TTC6: variants seen among roughly 807,000 people sequenced by gnomAD.
TTC6 encodes tetratricopeptide repeat domain 6, also known as tetratricopeptide repeat protein 6.
A neutral mutation model predicts 210.4 loss-of-function variants in TTC6; 172 were observed. That is an observed-to-expected ratio of 0.82 (90% CI 0.72 to 0.93). TTC6 has a LOEUF of 0.93. Among genes scored for constraint, TTC6 ranks in the 40% least tolerant of loss-of-function variants. TTC6 has a pLI of 0.00. For synonymous variants in TTC6, 804 were observed against 819.6 expected, an observed-to-expected ratio of 0.98 and a Z score of 0.32; for missense variants, 2,414 against 2,318.1, an observed-to-expected ratio of 1.04 and a Z score of -0.85.
rs537471032 is a variant in TTC6, at chr14:37,740,780, T to A, written c.2363+1625T>A. 1.7e-4 allele frequency among the ~76,000 whole-genome samples: 26 copies of A among 152,318 alleles called. No homozygotes were observed. The South Asian group carries it at 5.4e-3, about 32-fold the overall frequency. On this transcript the variant is annotated intron_variant, in intron 10 of 30. Transcript: ENST00000553443. Reference sequence around the variant, plus strand: ...TTTCTAAGTTGATAAATGTTTTAGATCAGAACCAGAAGTTTGCTTATACAT... The same window carrying A: ...TTTCTAAGTTGATAAATGTTTTAGAACAGAACCAGAAGTTTGCTTATACAT...
intron 14 of TTC6, among the ~76,000 whole-genome samples, chr14:37,783,880 T>C (rs903967614): frequency 6.6e-6 from 1 of 152,164 alleles, no homozygotes; most frequent in Non-Finnish European, 1.5e-5. Flanking sequence ...GCCTTCATTT[T>C]GTTATTTACC....
chr14:37,808,582 G>T (rs1230284492), intron 23 of TTC6, 151 bp from the exon 26 acceptor site: 1 of 440,606 alleles, frequency 2.3e-6, no homozygotes, highest in Non-Finnish European at 4.1e-6. Context: ...CTCTGTGAAA[G>T]ATTAGCTTCA....
Position 37,808,663 on chromosome 14 carries a change from ATTTAT to A in TTC6, c.4456-64_4456-60del, listed in dbSNP as rs201755273. On this transcript the variant is annotated intron_variant, in intron 23 of 30. Coordinates refer to ENST00000553443, the Ensembl canonical transcript of TTC6. ...TTCAAAAACTCTGATAGAAACAAGA[ATTTAT>A]TTTATGATTAAATTTCAGTCCATTA... is the stretch of plus-strand genomic sequence containing the variant. The A allele has an allele frequency of 3.1e-3, 2,487 of 805,706 alleles. 37 individuals carry two copies. In the African/African-American group the frequency reaches 0.037, roughly 12 times the overall value. 49.9% of individuals were successfully genotyped at this position (805,706 alleles called of 1,614,324 possible). A position where few individuals can be genotyped will look rare whatever the true frequency, so the allele number is the denominator to read the frequency against.
At chr14:37,755,768 G>C (rs563125188) in intron 14 of TTC6, among the ~76,000 whole-genome samples, 1 of 152,274 alleles carries the variant, frequency 6.6e-6, no homozygotes, top group African/African-American at 2.4e-5. Context: ...TTGTAGTATA[G>C]TGTGAAGTCA....
chr14:37,821,372 C>CT (rs2096156744), intron 26 of TTC6, among the ~76,000 whole-genome samples: 1 of 152,042 alleles, frequency 6.6e-6, no homozygotes, highest in African/African-American at 2.4e-5. Context: ...CCCGGCCTGA[C>CT]TTTTACTTCT....
chr14:37,639,118 ATTC>A (rs1204285634), intron 1 of TTC6, among the ~76,000 whole-genome samples: 1 of 152,222 alleles, frequency 6.6e-6, no homozygotes. Flanking sequence ...CTTATTATGT[ATTC>A]TTTTAAGGAG....
At chr14:37,597,959 T>A (rs1210755010) in intron 1 of TTC6, among the ~76,000 whole-genome samples, 1 of 152,194 alleles carries the variant, frequency 6.6e-6, no homozygotes, top group Non-Finnish European at 1.5e-5. Flanking sequence ...GGTTCTAGTG[T>A]ACCCAGATGC....
chr14:37,790,338 C>T (rs373182880), intron 15 of TTC6, among the ~76,000 whole-genome samples: 2 of 152,216 alleles, frequency 1.3e-5, no homozygotes, highest in African/African-American at 4.8e-5. Context: ...GGTCATGGCA[C>T]CCTTCTGACT....
intron 14 of TTC6, among the ~76,000 whole-genome samples, chr14:37,771,083 G>C (rs2096016789): frequency 6.7e-6 from 1 of 149,020 alleles, no homozygotes; most frequent in African/African-American, 2.5e-5. Context: ...GGCTGGATAT[G>C]AAATTCTGGG....
At chr14:37,623,132 T>C (rs1189689401) in intron 1 of TTC6, 129 bp downstream of exon 3, 3 of 632,208 alleles carry the variant, frequency 4.7e-6, no homozygotes, top group Non-Finnish European at 7.3e-6. Context: ...ACAAAAACAC[T>C]GGGGTGTTAT....
Position 37,714,751 on chromosome 14 carries a change from T to C in TTC6, c.1668T>C (p.Thr556=), listed in dbSNP as rs180987130. 2.1e-4 allele frequency: 317 copies of C among 1,535,658 alleles called. 2 individuals carry two copies. The East Asian group carries it at 7.0e-3, about 34-fold the overall frequency. The change falls in exon 6 of 31, where the codon ACT becomes ACC. Residue 556 remains threonine, a synonymous_variant. Transcript: ENST00000553443. Reference sequence around the variant, plus strand: ...TACCACCTGAATTGGCACAAGGAACTAGAGAGCGTGCTCACAAACCACACT... The same window carrying C: ...TACCACCTGAATTGGCACAAGGAACCAGAGAGCGTGCTCACAAACCACACT...
chr14:37,732,139 C>A (rs1411745144), intron 7 of TTC6, among the ~76,000 whole-genome samples: 1 of 145,544 alleles, frequency 6.9e-6, no homozygotes, highest in East Asian at 2.1e-4. Flanking sequence ...TCAATTAACA[C>A]ATATTTTATG....
At chr14:37,599,488 T>C (rs999583528) in intron 1 of TTC6, among the ~76,000 whole-genome samples, 8 of 152,198 alleles carry the variant, frequency 5.3e-5, no homozygotes, top group African/African-American at 1.9e-4. Context: ...ACTTATTTTA[T>C]TGAAGCAAAC....
At chr14:37,723,646 T>C (rs2095866039) in intron 6 of TTC6, among the ~76,000 whole-genome samples, 2 of 152,202 alleles carry the variant, frequency 1.3e-5, no homozygotes, top group East Asian at 3.9e-4. Flanking sequence ...TTCATAATCC[T>C]GTGGGATACA....
At chr14:37,703,672 A>G (rs2095829865) in intron 5 of TTC6, among the ~76,000 whole-genome samples, 1 of 152,096 alleles carries the variant, frequency 6.6e-6, no homozygotes, top group African/African-American at 2.4e-5. Context: ...TTTATGGCAA[A>G]CACCAAGAAT....
intron 24 of TTC6, among the ~76,000 whole-genome samples, chr14:37,809,790 ACT>A (rs1394176133): frequency 2.0e-4 from 31 of 151,550 alleles, no homozygotes; most frequent in Admixed American, 5.3e-4. Context: ...AATCTTACCT[ACT>A]CTCTTCTCTC....
chr14:37,677,475 TCA>T (rs1458609791), intron 1 of TTC6, among the ~76,000 whole-genome samples: 3 of 152,068 alleles, frequency 2.0e-5, no homozygotes, highest in African/African-American at 7.2e-5. Flanking sequence ...ATATGTGTAA[TCA>T]TATTCATTTG....
chr14:37,787,829 A>T (rs1350691322), intron 15 of TTC6, among the ~76,000 whole-genome samples, 192 bp downstream of exon 17: 1 of 152,126 alleles, frequency 6.6e-6, no homozygotes, highest in Non-Finnish European at 1.5e-5. Context: ...ATATATGAAT[A>T]TATAGCTATA....
chr14:37,790,802 A>G, exon 16 of TTC6: 1 of 1,534,568 alleles, frequency 6.5e-7, no homozygotes, highest in Non-Finnish European at 8.7e-7. Context: ...GGCTGCTGGC[A>G]ATTTGTGACT....
Sources: gnomAD v4.1 joint callset for allele counts (sites outside exome capture counted in the v4.1 genomes callset) on GRCh38, gnomAD v4.1.1 for gene constraint, MANE v1.5 for transcripts, NCBI Gene and HGNC (gene_info 2026-07-23, HGNC 2026-07-21) for gene names.